The following MGAT4C variants were observed in gnomAD, a reference collection of about 807,000 sequenced individuals.
The protein encoded by MGAT4C is MGAT4 family member C.
In MGAT4C, 19 loss-of-function variants were observed where a neutral mutation model predicts 40.1. The ratio of observed to expected loss-of-function variants is 0.47; its 90% CI spans 0.33 to 0.70. MGAT4C has a LOEUF of 0.70. MGAT4C is among the 30% of genes least tolerant of loss of function. MGAT4C has a pLI of 0.02. For synonymous variants in MGAT4C, 181 were observed against 187.1 expected (o/e 0.97, Z 0.27); for missense variants, 491 against 563.2 (o/e 0.87, Z 1.30).
rs1250768947 is a variant in MGAT4C at position 85,957,920 on chromosome 12, T to C, written c.*21369A>G. 1 of 152,166 alleles carries C rather than the reference T, an allele frequency of 6.6e-6. No homozygotes were observed. Among genetic ancestry groups the C allele is most frequent in the Non-Finnish European group, 1.5e-5 (1 of 68,012 alleles). The allele number at this position is 152,166 out of a possible 1,614,324, so 9.4% of individuals were successfully genotyped here. On this transcript the variant is annotated 3_prime_UTR_variant, in exon 5 of 5. Coordinates refer to ENST00000611864, the MANE Select transcript of MGAT4C (RefSeq NM_001351288.2). ...GAATGTTTTCATCTGACATAAATTA[T>C]TTTACTTAGGTTATCTTTATTTGAG...
chr12:86,444,982 A>G (rs190763156), intron 2 of MGAT4C, among the ~76,000 whole-genome samples: 1 of 152,364 alleles, frequency 6.6e-6, no homozygotes, highest in East Asian at 1.9e-4. Flanking sequence ...AAACTTATCC[A>G]TAGTGACAGA....
At chr12:86,486,361 A>G (rs1958018556) in intron 2 of MGAT4C, among the ~76,000 whole-genome samples, 1 of 144,812 alleles carries the variant, frequency 6.9e-6, no homozygotes, top group South Asian at 2.3e-4. Context: ...AAAAGAACAG[A>G]GAAAGATCTA....
At chr12:86,174,196 A>C (rs1255452210) in intron 1 of MGAT4C, among the ~76,000 whole-genome samples, 2 of 151,454 alleles carry the variant, frequency 1.3e-5, no homozygotes, top group African/African-American at 4.8e-5. Flanking sequence ...TTCATTTTTG[A>C]TATTTCTATT....
At chr12:86,168,006 A>C (rs1886376630) in intron 1 of MGAT4C, among the ~76,000 whole-genome samples, 1 of 151,236 alleles carries the variant, frequency 6.6e-6, no homozygotes, top group African/African-American at 2.4e-5. Context: ...TTATGATAAA[A>C]GTTTTCATAA....
At chr12:86,106,016 C>G (rs1327427669) in intron 1 of MGAT4C, among the ~76,000 whole-genome samples, 5 of 152,096 alleles carry the variant, frequency 3.3e-5, no homozygotes. Flanking sequence ...ACATCATCTT[C>G]CGAAAAAAAT....
At chr12:86,719,734 A>T (rs717681) in intron 2 of MGAT4C, among the ~76,000 whole-genome samples, 119,762 of 152,080 alleles carry the variant, frequency 0.79, 48,571 homozygotes, top group Middle Eastern at 0.89. Flanking sequence ...TTTTAAATTT[A>T]TACTGTCCCT....
intron 1 of MGAT4C, among the ~76,000 whole-genome samples, chr12:86,093,022 C>T (rs894481349): frequency 6.6e-6 from 1 of 152,056 alleles, no homozygotes; most frequent in African/African-American, 2.4e-5. Context: ...CACCCCTTGA[C>T]AGACCCCTGT....
Position 86,817,230 on chromosome 12 carries a change from AT to A in MGAT4C, c.-262+21435del, listed in dbSNP as rs1410208369. ...CTTTTGTTGTCATTCAGTTCTACATATTTTTAATTTAAGTTTACATTCACTT... is the reference window on the plus strand; with the variant it reads ...CTTTTGTTGTCATTCAGTTCTACATATTTTAATTTAAGTTTACATTCACTT... On this transcript the variant is annotated intron_variant, in intron 1 of 7. Coordinates refer to the MGAT4C transcript ENST00000548651. 9.9e-5 allele frequency among the ~76,000 whole-genome samples: 15 copies of A among 151,434 alleles called. No individual in the cohort carries two copies. The Admixed American group carries it at 9.9e-4, about 10-fold the overall frequency.
At chr12:86,277,134 G>A (rs1031367892) in intron 4 of MGAT4C, among the ~76,000 whole-genome samples, 4 of 152,114 alleles carry the variant, frequency 2.6e-5, no homozygotes, top group Non-Finnish European at 5.9e-5. Flanking sequence ...TTTAACTGGA[G>A]CAAGATGATA....
At chr12:86,366,194 G>A (rs759489244) in intron 3 of MGAT4C, among the ~76,000 whole-genome samples, 15 of 152,158 alleles carry the variant, frequency 9.9e-5, no homozygotes, top group Non-Finnish European at 2.1e-4. Context: ...CTGTCAGCTA[G>A]AATGTTACTG....
chr12:86,591,421 T>C (rs1961325398), intron 2 of MGAT4C, among the ~76,000 whole-genome samples: 1 of 151,968 alleles, frequency 6.6e-6, no homozygotes, highest in South Asian at 2.1e-4. Context: ...GTAATACCTC[T>C]GCCATATTGA....
At chr12:86,134,587 T>G (rs1881691794) in intron 1 of MGAT4C, among the ~76,000 whole-genome samples, 1 of 152,134 alleles carries the variant, frequency 6.6e-6, no homozygotes, top group South Asian at 2.1e-4. Context: ...CCCTCACTAA[T>G]GAAACCAGTA....
intron 2 of MGAT4C, among the ~76,000 whole-genome samples, chr12:86,718,063 T>G (rs1950676015): frequency 6.6e-6 from 1 of 152,118 alleles, no homozygotes; most frequent in Non-Finnish European, 1.5e-5. Context: ...ATGGGAAGGT[T>G]GTATTCTCTA....
chr12:85,981,799 G>T (rs1035225167), intron 4 of MGAT4C, among the ~76,000 whole-genome samples: 6 of 152,162 alleles, frequency 3.9e-5, no homozygotes, highest in African/African-American at 1.2e-4. Context: ...GATTCAAACT[G>T]TCTCACTCTT....
intron 1 of MGAT4C, among the ~76,000 whole-genome samples, chr12:86,733,776 A>G (rs1294420090): frequency 6.6e-6 from 1 of 152,124 alleles, no homozygotes; most frequent in Non-Finnish European, 1.5e-5. Context: ...TTAAAACCCA[A>G]AATGCCTGAG....
intron 2 of MGAT4C, among the ~76,000 whole-genome samples, chr12:85,993,699 A>G (rs1886260005): frequency 1.3e-5 from 2 of 152,158 alleles, no homozygotes; most frequent in Admixed American, 1.3e-4. Flanking sequence ...GCCTTCTGGG[A>G]GTGGTCACCT....
intron 2 of MGAT4C, among the ~76,000 whole-genome samples, chr12:86,465,009 G>A (rs1028943763): frequency 6.4e-4 from 97 of 152,090 alleles, no homozygotes; most frequent in African/African-American, 2.1e-3. Context: ...TGGCAAGTAA[G>A]GAATCCGAGG....
At chr12:86,454,079 A>G (rs1420819095) in intron 2 of MGAT4C, among the ~76,000 whole-genome samples, 3 of 150,192 alleles carry the variant, frequency 2.0e-5, no homozygotes, top group Non-Finnish European at 1.5e-5. Context: ...AAAACTATAA[A>G]GGAAAAAAAT....
At chr12:86,816,228 T>C (rs1182268718) in intron 1 of MGAT4C, among the ~76,000 whole-genome samples, 2 of 151,908 alleles carry the variant, frequency 1.3e-5, no homozygotes, top group Non-Finnish European at 2.9e-5. Context: ...CTCCTATATT[T>C]GTAGGTTACA....
Sources: gnomAD v4.1 joint callset for allele counts (sites outside exome capture counted in the v4.1 genomes callset) on GRCh38, gnomAD v4.1.1 for gene constraint, MANE v1.5 for transcripts, NCBI Gene and HGNC (gene_info 2026-07-23, HGNC 2026-07-21) for gene names.